Variants in SGCE observed in about 807,000 individuals in gnomAD.
SGCE encodes sarcoglycan epsilon.
A neutral mutation model predicts 57.8 loss-of-function variants in SGCE; 26 were observed. The ratio of observed to expected loss-of-function variants is 0.45; its 90% CI spans 0.33 to 0.62. The LOEUF (loss-of-function observed/expected upper bound fraction) is 0.62, where lower values mean the gene tolerates loss of function less well. Among genes scored for constraint, SGCE ranks in the 20% least tolerant of loss-of-function variants. SGCE has a pLI of 0.02. For missense variants in SGCE, 468 were observed against 548.6 expected (o/e 0.85, Z 1.47); for synonymous variants, 183 against 189.5 (o/e 0.97, Z 0.28).
rs367766155 is a variant in SGCE, at chr7:94,649,519, G to A, written c.109+6471C>T. ...GTAGCCGCCTGTAGATCAGCTGAGC[G>A]TTGACAAGCCAGAAACTCATCTTTG... is the stretch of plus-strand genomic sequence containing the variant. On this transcript the variant is annotated intron_variant, in intron 1 of 10. Coordinates refer to ENST00000648936, the MANE Select transcript of SGCE (RefSeq NM_003919.3). Among the ~76,000 whole-genome samples the A allele has an allele frequency of 5.8e-4, 88 of 152,294 alleles. No individual in the cohort carries two copies. In the Middle Eastern group the frequency reaches 0.01, roughly 18 times the overall value.
At position 94,642,405 on chromosome 7, in the gene SGCE, A is replaced by G. The variant is rs117827124; in HGVS notation, c.110-12564T>C. On this transcript the variant is annotated intron_variant, in intron 1 of 10. Transcript: ENST00000648936. ...ACCCCCAGGGTTTTTCCTGATGGCT[A>G]TGTTCCAAAAGCAACATGCTGGTTA... Among the ~76,000 whole-genome samples, 1,357 of 152,308 alleles carry G rather than the reference A, an allele frequency of 8.9e-3. 8 individuals carry two copies. The highest frequency in any genetic ancestry group is 0.013 in the Non-Finnish European group (860 of 68,020).
At chr7:94,613,526 A>C (rs1801393003) in intron 5 of SGCE, among the ~76,000 whole-genome samples, 1 of 152,148 alleles carries the variant, frequency 6.6e-6, no homozygotes, top group African/African-American at 2.4e-5. Context: ...TAGAGACTGG[A>C]GTGCACTAGA....
chr7:94,601,470 A>AAAAAAAC (rs1799250726), intron 6 of SGCE, among the ~76,000 whole-genome samples: 1 of 130,092 alleles, frequency 7.7e-6, no homozygotes, highest in Admixed American at 8.1e-5. Flanking sequence ...AAAAAAAAAA[A>AAAAAAAC]AAAAAACTAC....
chr7:94,616,138 C>T (rs1801900871), intron 5 of SGCE, among the ~76,000 whole-genome samples: 1 of 152,108 alleles, frequency 6.6e-6, no homozygotes, highest in African/African-American at 2.4e-5. Flanking sequence ...GGATGAGGAG[C>T]TCAGATGCTG....
intron 9 of SGCE, among the ~76,000 whole-genome samples, chr7:94,592,959 A>G (rs908059425): frequency 6.6e-6 from 1 of 152,136 alleles, no homozygotes. Context: ...TTGGAAAACA[A>G]TGGCTCTGAA....
At chr7:94,595,392 G>C (rs1167174641) in intron 9 of SGCE, among the ~76,000 whole-genome samples, 1 of 152,106 alleles carries the variant, frequency 6.6e-6, no homozygotes, top group Non-Finnish European at 1.5e-5. Flanking sequence ...ATCCATGTCT[G>C]AATATTTCCG....
chr7:94,653,566 A>C (rs1448805544), intron 1 of SGCE, among the ~76,000 whole-genome samples: 1 of 152,066 alleles, frequency 6.6e-6, no homozygotes, highest in Non-Finnish European at 1.5e-5. Context: ...TGGTTTTGAA[A>C]ATGTTTGTTG....
At chr7:94,654,490 A>C (rs1261951579) in intron 1 of SGCE, among the ~76,000 whole-genome samples, 1 of 152,244 alleles carries the variant, frequency 6.6e-6, no homozygotes, top group African/African-American at 2.4e-5. Flanking sequence ...GAATTATTCT[A>C]TCTTGCAGAA....
intron 5 of SGCE, among the ~76,000 whole-genome samples, chr7:94,606,583 T>C (rs1004221905): frequency 2.0e-5 from 3 of 152,138 alleles, no homozygotes; most frequent in Admixed American, 1.3e-4. Flanking sequence ...AGGCAGAAAA[T>C]TGGTAAAGAC....
chr7:94,624,206 T>C lies in SGCE; in HGVS notation c.391-809A>G, dbSNP rs564186289. ...AAATGATTGTGTCAAAATCTTAGAA[T>C]CCCAGCACTAACCTTCTGGCAATGA... On this transcript the variant is annotated intron_variant, in intron 3 of 10. Coordinates refer to ENST00000648936, the MANE Select transcript of SGCE (RefSeq NM_003919.3). The C allele has an allele frequency of 1.7e-4, 68 of 392,704 alleles. No individual in the cohort carries two copies. The South Asian group carries it at 8.6e-3, about 50-fold the overall frequency. 24.3% of individuals were successfully genotyped at this position (392,704 alleles called of 1,614,324 possible).
At chr7:94,596,905 A>G (rs534809103) in intron 9 of SGCE, among the ~76,000 whole-genome samples, 1 of 152,312 alleles carries the variant, frequency 6.6e-6, no homozygotes, top group South Asian at 2.1e-4. Flanking sequence ...ATAACCTTAA[A>G]GAATAAGTAC....
At chr7:94,599,821 G>T in intron 7 of SGCE, 98 bp from the exon 8 acceptor site, 1 of 919,320 alleles carries the variant, frequency 1.1e-6, no homozygotes, top group Non-Finnish European at 1.8e-6. Context: ...TGGAAATGCT[G>T]ACATTGTCAC....
chr7:94,649,775 T>A (rs944262111), intron 1 of SGCE, among the ~76,000 whole-genome samples: 52 of 152,080 alleles, frequency 3.4e-4, no homozygotes, highest in African/African-American at 1.1e-3. Flanking sequence ...ACAACTGGAG[T>A]GGAGGAGAAA....
intron 4 of SGCE, chr7:94,622,527 G>C (rs1327819107): frequency 6.6e-6 from 1 of 151,964 alleles, no homozygotes; most frequent in Non-Finnish European, 1.5e-5. Context: ...TACTCGGGAG[G>C]CTGAGGCAGG....
intron 3 of SGCE, chr7:94,627,320 C>T (rs1803881895): frequency 6.6e-6 from 1 of 151,968 alleles, no homozygotes. Context: ...ACTAAAGATT[C>T]AATGTAACAG....
At chr7:94,631,868 G>A (rs1190583620) in intron 1 of SGCE, among the ~76,000 whole-genome samples, 1 of 152,010 alleles carries the variant, frequency 6.6e-6, no homozygotes, top group African/African-American at 2.4e-5. Flanking sequence ...GAATCTCTTT[G>A]TAGTTTATCT....
intron 1 of SGCE, chr7:94,639,238 C>A (rs1806037824): frequency 4.2e-6 from 3 of 721,502 alleles, no homozygotes; most frequent in South Asian, 2.1e-5. Context: ...TTACTAACAA[C>A]AACAACAAAA....
intron 1 of SGCE, among the ~76,000 whole-genome samples, chr7:94,654,716 C>A (rs1808348394): frequency 6.6e-6 from 1 of 152,166 alleles, no homozygotes; most frequent in African/African-American, 2.4e-5. Flanking sequence ...GCGGTGTCTG[C>A]AACGTTGTTA....
chr7:94,601,423 ACTT>A (rs1268789231), intron 6 of SGCE, among the ~76,000 whole-genome samples: 1 of 135,026 alleles, frequency 7.4e-6, no homozygotes, highest in Non-Finnish European at 1.5e-5. Context: ...TCCCAGTCTT[ACTT>A]AATTCTATCC....
Sources: allele counts gnomAD v4.1 joint callset (sites outside exome capture counted in the v4.1 genomes callset), GRCh38; gene constraint gnomAD v4.1.1; transcripts MANE v1.5; gene names NCBI Gene and HGNC (gene_info 2026-07-23, HGNC 2026-07-21).